The following YTHDF3 variants were observed in gnomAD, a reference collection of about 807,000 sequenced individuals.
The protein encoded by YTHDF3 is YTH N6-methyladenosine RNA binding protein F3, also known as YTH domain-containing family protein 3.
Under a neutral mutation model 52.5 loss-of-function variants are expected in YTHDF3, and 9 were observed. The ratio of observed to expected loss-of-function variants is 0.17; its 90% CI spans 0.10 to 0.30. YTHDF3 has a LOEUF of 0.30. Ranked by LOEUF, YTHDF3 falls within the 10% of genes least tolerant of loss-of-function variation. The pLI is 1.00. For synonymous variants in YTHDF3, 274 were observed against 243.3 expected (o/e 1.13, Z -1.18); for missense variants, 534 against 715.0 (o/e 0.75, Z 2.89).
intron 2 of YTHDF3, among the ~76,000 whole-genome samples, chr8:63,174,220 A>G (rs1033235209): frequency 2.6e-5 from 4 of 152,156 alleles, no homozygotes; most frequent in Non-Finnish European, 5.9e-5. Context: ...TTTTGTTTCT[A>G]ATTTGTAGAC....
In YTHDF3 at chr8:63,210,985, A is replaced by G. The variant is rs1810341731; in HGVS notation, c.*1279A>G. On this transcript the variant is annotated 3_prime_UTR_variant, in exon 5 of 5. Transcript: ENST00000539294. ...CTGCCCCATGTATTACTGTTCCAAA[A>G]GGAGAAAGCTATGTAGAAAGATACA... 1 of 152,602 alleles carries G rather than the reference A, an allele frequency of 6.6e-6. No homozygotes were observed. Among genetic ancestry groups the G allele is most frequent in the African/African-American group, 2.4e-5 (1 of 41,472 alleles). 9.5% of individuals were successfully genotyped at this position (152,602 alleles called of 1,614,324 possible).
intron 4 of YTHDF3, chr8:63,188,683 A>ATATATATATGTG (rs1408980241): frequency 1.9e-5 from 1 of 53,396 alleles, no homozygotes; most frequent in East Asian, 4.7e-4. Context: ...AATTACATAT[A>ATATATATATGTG]TATATATATA....
intron 4 of YTHDF3, among the ~76,000 whole-genome samples, chr8:63,193,834 A>C (rs1336504036): frequency 6.6e-6 from 1 of 152,210 alleles, no homozygotes; most frequent in Non-Finnish European, 1.5e-5. Flanking sequence ...CAAGTATTGG[A>C]AAGATTGTAG....
At chr8:63,175,208 A>G (rs892481742) in intron 2 of YTHDF3, 123 bp from the exon 3 acceptor site, 14 of 670,558 alleles carry the variant, frequency 2.1e-5, no homozygotes, top group Non-Finnish European at 3.0e-5. Context: ...AGGGTTCTTA[A>G]AAATAACTCA....
chr8:63,206,379 T>G (rs1013592046), intron 4 of YTHDF3, among the ~76,000 whole-genome samples: 2 of 152,160 alleles, frequency 1.3e-5, no homozygotes, highest in African/African-American at 4.8e-5. Flanking sequence ...CCTGTTCTTT[T>G]GCCTGCTCCA....
At chr8:63,168,990 C>G (rs1299415619) in intron 1 of YTHDF3, 89 bp downstream of exon 1, 1 of 1,508,174 alleles carries the variant, frequency 6.6e-7, no homozygotes, top group African/African-American at 1.5e-5. Context: ...CCGTCGCCGC[C>G]GCTGCCGGCC....
intron 4 of YTHDF3, among the ~76,000 whole-genome samples, chr8:63,197,487 C>T (rs1303373502): frequency 6.6e-6 from 1 of 152,076 alleles, no homozygotes; most frequent in African/African-American, 2.4e-5. Flanking sequence ...CACTTATTGT[C>T]TAATCTTTTT....
intron 3 of YTHDF3, among the ~76,000 whole-genome samples, chr8:63,184,845 G>C (rs1057248753): frequency 2.6e-5 from 4 of 152,036 alleles, no homozygotes; most frequent in Non-Finnish European, 5.9e-5. Flanking sequence ...AGCTCTGTGC[G>C]GTGCTTTAAA....
At chr8:63,184,973 T>G (rs1419477448) in intron 3 of YTHDF3, among the ~76,000 whole-genome samples, 2 of 152,072 alleles carry the variant, frequency 1.3e-5, no homozygotes, top group Non-Finnish European at 2.9e-5. Flanking sequence ...TACAAAAAAT[T>G]AGCTGGGCAT....
chr8:63,204,184 T>A (rs1167315050), intron 4 of YTHDF3, among the ~76,000 whole-genome samples: 1 of 151,378 alleles, frequency 6.6e-6, no homozygotes, highest in Non-Finnish European at 1.5e-5. Flanking sequence ...TATCCTCTCA[T>A]TTTTTTTTCT....
intron 4 of YTHDF3, among the ~76,000 whole-genome samples, chr8:63,194,409 C>T (rs552656565): frequency 2.0e-5 from 3 of 152,212 alleles, no homozygotes; most frequent in South Asian, 2.1e-4. Flanking sequence ...CACTTGAACC[C>T]GGTAGGCAGA....
At chr8:63,189,729 C>G (rs909925019) in intron 4 of YTHDF3, among the ~76,000 whole-genome samples, 6 of 152,176 alleles carry the variant, frequency 3.9e-5, no homozygotes, top group African/African-American at 1.4e-4. Flanking sequence ...TCTCGAGACC[C>G]ATCCCTTGGT....
In YTHDF3 at chr8:63,209,668, T is replaced by G. The variant is rs759209683; in HGVS notation, c.1735-15T>G. 3.0e-5 allele frequency: 29 copies of G among 964,518 alleles called. No homozygotes were observed. The East Asian group carries it at 7.7e-4, about 25-fold the overall frequency. The allele number at this position is 964,518 out of a possible 1,614,324, so 59.7% of individuals were successfully genotyped here. ...TTGTAATTCTTTTTGTGTGTGTGTGTTTTTTTTTTTTCAGGAGAGAAATAG... is the reference window on the plus strand; with the variant it reads ...TTGTAATTCTTTTTGTGTGTGTGTGGTTTTTTTTTTTCAGGAGAGAAATAG... On this transcript the variant is annotated splice_polypyrimidine_tract_variant and intron_variant, in intron 4 of 4. Transcript: ENST00000539294.
Position 63,211,177 on chromosome 8 carries a change from T to C in YTHDF3, c.*1471T>C, listed in dbSNP as rs977954909. On this transcript the variant is annotated 3_prime_UTR_variant, in exon 5 of 5. Transcript: ENST00000539294. ...TTCTTTGAGGCTTTCATTTATATAA[T>C]TTTATTTTGTACAATGTTTTTTTTA... The C allele has an allele frequency of 1.3e-5, 2 of 152,564 alleles. No individual in the cohort carries two copies. The highest frequency in any genetic ancestry group is 4.8e-5 in the African/African-American group (2 of 41,442). The allele number at this position is 152,564 out of a possible 1,614,324, so 9.5% of individuals were successfully genotyped here.
chr8:63,200,270 A>G (rs1585780887), intron 4 of YTHDF3, among the ~76,000 whole-genome samples: 1 of 152,232 alleles, frequency 6.6e-6, no homozygotes, highest in South Asian at 2.1e-4. Context: ...TGCTTCATCA[A>G]AGTGAGCAAG....
chr8:63,180,836 T>C (rs955245276), intron 3 of YTHDF3, among the ~76,000 whole-genome samples: 10 of 152,134 alleles, frequency 6.6e-5, no homozygotes, highest in Admixed American at 5.9e-4. Flanking sequence ...CAGTCAGGCG[T>C]GGCGGCAAGC....
chr8:63,210,294 A>C lies in YTHDF3; in HGVS notation c.*588A>C, dbSNP rs950025211. ...AAACATAATCTGAAATTATATTAGA[A>C]CATTTCCCTTGTCTTCAAACTGTTT... is the stretch of plus-strand genomic sequence containing the variant. On this transcript the variant is annotated 3_prime_UTR_variant, in exon 5 of 5. Transcript: ENST00000539294. The C allele has an allele frequency of 6.5e-6, 1 of 152,680 alleles. No homozygotes were observed. Among genetic ancestry groups the C allele is most frequent in the African/African-American group, 2.4e-5 (1 of 41,458 alleles). The allele number at this position is 152,680 out of a possible 1,614,324, so 9.5% of individuals were successfully genotyped here. A position where few individuals can be genotyped will look rare whatever the true frequency, so the allele number is the denominator to read the frequency against.
intron 1 of YTHDF3, 193 bp downstream of exon 1, chr8:63,169,094 G>C: frequency 7.2e-7 from 1 of 1,383,862 alleles, no homozygotes; most frequent in Admixed American, 3.7e-5. Context: ...GGCGGGCGCG[G>C]TGCCGCGGCG....
intron 4 of YTHDF3, 72 bp downstream of exon 4, chr8:63,187,817 G>GTT: frequency 6.9e-7 from 1 of 1,457,102 alleles, no homozygotes; most frequent in Non-Finnish European, 9.1e-7. Flanking sequence ...TATATTCTGA[G>GTT]TTTAAGAACT....
Sources: gnomAD v4.1 joint callset for allele counts (sites outside exome capture counted in the v4.1 genomes callset) on GRCh38, gnomAD v4.1.1 for gene constraint, MANE v1.5 for transcripts, NCBI Gene and HGNC (gene_info 2026-07-23, HGNC 2026-07-21) for gene names.